Variants in PDZD2 observed in about 807,000 individuals in gnomAD.
PDZD2 encodes the protein PDZ domain-containing protein 2.
A neutral mutation model predicts 220.7 loss-of-function variants in PDZD2; 90 were observed. That is an observed-to-expected ratio of 0.41 (90% confidence interval 0.34 to 0.49). The LOEUF (loss-of-function observed/expected upper bound fraction) is 0.49, where lower values mean the gene tolerates loss of function less well. Ranked by LOEUF, PDZD2 falls within the 20% of genes least tolerant of loss-of-function variation. PDZD2 has a pLI of 0.28. For synonymous variants in PDZD2, 1,375 were observed against 1,450.5 expected, an observed-to-expected ratio of 0.95 and a Z score of 1.18; for missense variants, 3,174 against 3,608.5, an observed-to-expected ratio of 0.88 and a Z score of 3.08.
intron 2 of PDZD2, among the ~76,000 whole-genome samples, chr5:31,902,823 G>A (rs536555134): frequency 5.9e-4 from 89 of 151,174 alleles, no homozygotes; most frequent in African/African-American, 1.9e-3. Context: ...GCCAGATCAC[G>A]CCACTGCACT....
rs563033499 is a variant in PDZD2, at chr5:32,069,781, C to T, written c.2533+131C>T. On this transcript the variant is annotated intron_variant, in intron 15 of 24. Coordinates refer to ENST00000438447, the MANE Select transcript of PDZD2 (RefSeq NM_178140.4). ...GTTTGGCAAAAGTAGCTGTCAAAGA[C>T]AGTCTATGCTTTCTCTTGGCTGTTA... is the stretch of plus-strand genomic sequence containing the variant. 3 of 624,336 alleles carry T rather than the reference C, an allele frequency of 4.8e-6. No homozygotes were observed. In the East Asian group the frequency reaches 8.4e-5, roughly 18 times the overall value. 38.7% of individuals were successfully genotyped at this position (624,336 alleles called of 1,614,324 possible).
At chr5:31,927,620 G>A (rs1331417066) in intron 2 of PDZD2, among the ~76,000 whole-genome samples, 3 of 152,086 alleles carry the variant, frequency 2.0e-5, no homozygotes, top group South Asian at 4.1e-4. Flanking sequence ...CCTGAGCTCA[G>A]GTGGTCCACC....
chr5:31,988,818 C>T (rs770457912), intron 3 of PDZD2, among the ~76,000 whole-genome samples: 5 of 152,166 alleles, frequency 3.3e-5, no homozygotes, highest in Non-Finnish European at 7.3e-5. Flanking sequence ...GGTTTCTTCT[C>T]CCCTCTCCCA....
chr5:31,883,923 T>C (rs950249545), intron 2 of PDZD2, among the ~76,000 whole-genome samples: 19 of 152,214 alleles, frequency 1.2e-4, no homozygotes, highest in African/African-American at 4.1e-4. Flanking sequence ...ATTTAAATCC[T>C]GTGTTAAGGC....
chr5:32,037,132 T>C (rs1755621013), intron 6 of PDZD2, 99 bp from the exon 7 acceptor site: 11 of 727,312 alleles, frequency 1.5e-5, no homozygotes, highest in Middle Eastern at 3.4e-4. Flanking sequence ...ACACCTGTAT[T>C]GCTGCTCCTT....
chr5:31,735,340 C>G (rs904681634), intron 1 of PDZD2, among the ~76,000 whole-genome samples: 1 of 152,126 alleles, frequency 6.6e-6, no homozygotes, highest in Non-Finnish European at 1.5e-5. Context: ...GTCACTGCTG[C>G]CTCCTATTCT....
In PDZD2 at chr5:32,080,261, T is replaced by A. The variant is rs1337810052; in HGVS notation, c.3682+2655T>A. ...TACTCAGGAAGCTGAGGCAGGAGAA[T>A]GGTGTGAACCCGGGAGGTGGAGCTT... On this transcript the variant is annotated intron_variant, in intron 19 of 24. Coordinates refer to ENST00000438447, the MANE Select transcript of PDZD2 (RefSeq NM_178140.4). Among the ~76,000 whole-genome samples the A allele has an allele frequency of 3.5e-5, 5 of 143,754 alleles. No individual in the cohort carries two copies. In the Admixed American group the frequency reaches 3.7e-4, roughly 11 times the overall value. 94.3% of individuals were successfully genotyped at this position (143,754 alleles called of 152,430 possible).
At chr5:31,739,608 C>G (rs557313352) in intron 1 of PDZD2, among the ~76,000 whole-genome samples, 1 of 152,300 alleles carries the variant, frequency 6.6e-6, no homozygotes, top group East Asian at 1.9e-4. Flanking sequence ...CCAACAGGAA[C>G]TCCATCAAAT....
Position 32,089,080 on chromosome 5 carries a change from A to C in PDZD2, c.5632A>C (p.Lys1878Gln). The change falls in exon 20 of 25, where the codon AAG becomes CAG. Residue 1878 changes from lysine to glutamine, a missense_variant. Transcript: ENST00000438447. ...PAEMLLTNGQ[K>Q]AKCGPKLKRL... ...AGAAATGCTTCTGACTAATGGTCAG[A>C]AGGCAAAGTGTGGTCCGAAGCTGAA... 6.2e-7 allele frequency: 1 copy of C among 1,614,028 alleles called. No individual in the cohort carries two copies. Among genetic ancestry groups the C allele is most frequent in the Non-Finnish European group, 8.5e-7 (1 of 1,180,014 alleles).
intron 1 of PDZD2, among the ~76,000 whole-genome samples, chr5:31,704,197 G>A (rs932313901): frequency 6.6e-6 from 1 of 152,114 alleles, no homozygotes; most frequent in Admixed American, 6.6e-5. Context: ...ATTTTTGGTA[G>A]AGACAGGGTT....
At chr5:32,013,442 A>T (rs1250470516) in intron 6 of PDZD2, among the ~76,000 whole-genome samples, 1 of 151,672 alleles carries the variant, frequency 6.6e-6, no homozygotes, top group Non-Finnish European at 1.5e-5. Context: ...AGTTCCCACC[A>T]TCACCAAAAA....
At chr5:32,084,784 G>A (rs1352176152) in intron 19 of PDZD2, among the ~76,000 whole-genome samples, 2 of 151,910 alleles carry the variant, frequency 1.3e-5, no homozygotes, top group East Asian at 3.9e-4. Context: ...TGGAAGATTA[G>A]CCCAAGACTA....
chr5:31,710,811 C>T (rs993220453), intron 1 of PDZD2, among the ~76,000 whole-genome samples: 4 of 125,892 alleles, frequency 3.2e-5, no homozygotes, highest in Admixed American at 1.6e-4. Flanking sequence ...AGCAAAACTC[C>T]GTCTTGAAAA....
intron 2 of PDZD2, among the ~76,000 whole-genome samples, chr5:31,933,117 G>A (rs994947308): frequency 2.8e-4 from 42 of 152,024 alleles, no homozygotes; most frequent in African/African-American, 9.9e-4. Flanking sequence ...CACCATGTTG[G>A]CCAGGCTGGT....
At chr5:32,069,081 T>C (rs190046458) in intron 14 of PDZD2, among the ~76,000 whole-genome samples, 9 of 151,946 alleles carry the variant, frequency 5.9e-5, no homozygotes, top group Non-Finnish European at 1.2e-4. Flanking sequence ...GCCTGACCAA[T>C]ATACTGAAAC....
In PDZD2 at chr5:31,662,820, C is replaced by T. The variant is rs575606631; in HGVS notation, c.-361+23383C>T. Among the ~76,000 whole-genome samples, 28 of 152,252 alleles carry T rather than the reference C, an allele frequency of 1.8e-4. No homozygotes were observed. The East Asian group carries it at 2.3e-3, about 13-fold the overall frequency. On this transcript the variant is annotated intron_variant, in intron 1 of 24. Transcript: ENST00000438447. ...AATTTTTTTGCATTTTTAGTAGAGACGGGGTTTCACCGTGTTAGCCAGGAT... is the reference window on the plus strand; with the variant it reads ...AATTTTTTTGCATTTTTAGTAGAGATGGGGTTTCACCGTGTTAGCCAGGAT...
chr5:31,796,697 CTA>C (rs1754048045), intron 1 of PDZD2, among the ~76,000 whole-genome samples: 1 of 152,148 alleles, frequency 6.6e-6, no homozygotes, highest in African/African-American at 2.4e-5. Context: ...CCCCACTAGA[CTA>C]TGAATTCCTA....
chr5:31,686,920 G>A (rs1050151753), intron 1 of PDZD2, among the ~76,000 whole-genome samples: 1 of 152,140 alleles, frequency 6.6e-6, no homozygotes, highest in Non-Finnish European at 1.5e-5. Flanking sequence ...TCTGGAACAA[G>A]GTTGGCAAGT....
chr5:31,787,512 A>G (rs529876509), intron 1 of PDZD2: 1 of 152,220 alleles, frequency 6.6e-6, no homozygotes, highest in Admixed American at 6.5e-5. Flanking sequence ...ACTCATTCCC[A>G]TTTTTATATG....
Sources: allele counts gnomAD v4.1 joint callset (sites outside exome capture counted in the v4.1 genomes callset), GRCh38; gene constraint gnomAD v4.1.1; transcripts MANE v1.5; gene names NCBI Gene and HGNC (gene_info 2026-07-23, HGNC 2026-07-21).